The following TCF7L1 variants were observed in gnomAD, a reference collection of about 807,000 sequenced individuals.
TCF7L1 encodes the protein transcription factor 7-like 1.
In TCF7L1, 18 loss-of-function variants were observed where a neutral mutation model predicts 63.7. The ratio of observed to expected loss-of-function variants is 0.28; its 90% CI spans 0.20 to 0.42. The LOEUF is 0.42. TCF7L1 is among the 10% of genes least tolerant of loss of function. The pLI, the probability that TCF7L1 is intolerant of heterozygous loss-of-function variation, is 1.00. For missense variants in TCF7L1, 654 were observed against 779.3 expected (o/e 0.84, Z 1.91); for synonymous variants, 355 against 340.9 (o/e 1.04, Z -0.46).
At chr2:85,259,806 G>C (rs1680815193) in intron 3 of TCF7L1, among the ~76,000 whole-genome samples, 1 of 152,150 alleles carries the variant, frequency 6.6e-6, no homozygotes, top group South Asian at 2.1e-4. Flanking sequence ...CTGGTAGAGA[G>C]CCTTGAAATG....
At chr2:85,193,400 T>C (rs1350647100) in intron 3 of TCF7L1, among the ~76,000 whole-genome samples, 1 of 152,182 alleles carries the variant, frequency 6.6e-6, no homozygotes, top group Non-Finnish European at 1.5e-5. Flanking sequence ...AGGGCATTAT[T>C]AGGGCCGGGT....
At chr2:85,242,250 A>G (rs1189479213) in intron 3 of TCF7L1, among the ~76,000 whole-genome samples, 1 of 152,012 alleles carries the variant, frequency 6.6e-6, no homozygotes, top group African/African-American at 2.4e-5. Context: ...TCCCTGGGTC[A>G]CTTGGCTGCC....
In TCF7L1 at chr2:85,134,586, C is replaced by T. The variant is rs1437623402; in HGVS notation, c.441+136C>T. 4 of 1,286,840 alleles carry T rather than the reference C, an allele frequency of 3.1e-6. No homozygotes were observed. The highest frequency in any genetic ancestry group is 5.7e-5 in the Admixed American group (2 of 35,374). The allele number at this position is 1,286,840 out of a possible 1,614,324, so 79.7% of individuals were successfully genotyped here. A position where few individuals can be genotyped will look rare whatever the true frequency, so the allele number is the denominator to read the frequency against. On this transcript the variant is annotated intron_variant, in intron 3 of 11. Coordinates refer to ENST00000282111, the MANE Select transcript of TCF7L1 (RefSeq NM_031283.3). The surrounding 1 kb of genome is among the most constrained non-coding windows in gnomAD (Gnocchi z 5.0). ...AGAACTTGTTTGCGGAGTTGAACTA[C>T]TCTCTGGCGGCCGAGCGCGAGGCTG...
chr2:85,239,985 G>A (rs1680287013), intron 3 of TCF7L1, among the ~76,000 whole-genome samples: 1 of 149,888 alleles, frequency 6.7e-6, no homozygotes, highest in African/African-American at 2.5e-5. Context: ...AGAATGAAAA[G>A]GAAGCAAGTA....
At chr2:85,295,491 G>A (rs372750041) in intron 4 of TCF7L1, among the ~76,000 whole-genome samples, 19 of 152,128 alleles carry the variant, frequency 1.2e-4, no homozygotes, top group East Asian at 7.8e-4. Context: ...ATGAGCCACC[G>A]TGCCTGGCCA....
At chr2:85,230,226 C>G (rs1419985168) in intron 3 of TCF7L1, among the ~76,000 whole-genome samples, 1 of 152,208 alleles carries the variant, frequency 6.6e-6, no homozygotes, top group Non-Finnish European at 1.5e-5. Context: ...GTGCTTTACT[C>G]TCATAAACAA....
In TCF7L1 at chr2:85,165,661, C is replaced by G. The variant is rs144585892; in HGVS notation, c.441+31211C>G. Among the ~76,000 whole-genome samples, 15 of 152,212 alleles carry G rather than the reference C, an allele frequency of 9.9e-5. No individual in the cohort carries two copies. The East Asian group carries it at 2.7e-3, about 27-fold the overall frequency. On this transcript the variant is annotated intron_variant, in intron 3 of 11. Transcript: ENST00000282111. ...GCGGCCTGGAAAAACATGTATGGTG[C>G]CAGATCATGGGCCCTGGTTGATGTG...
At chr2:85,200,861 C>T (rs1314281942) in intron 3 of TCF7L1, among the ~76,000 whole-genome samples, 1 of 152,024 alleles carries the variant, frequency 6.6e-6, no homozygotes, top group Non-Finnish European at 1.5e-5. Flanking sequence ...GAGTTACCTG[C>T]GACACTTGAG....
At chr2:85,228,230 G>A (rs1210035032) in intron 3 of TCF7L1, among the ~76,000 whole-genome samples, 1 of 151,912 alleles carries the variant, frequency 6.6e-6, no homozygotes, top group Non-Finnish European at 1.5e-5. Context: ...GATCATCTTG[G>A]GCAACATAGC....
At chr2:85,141,140 T>A (rs924640936) in intron 3 of TCF7L1, among the ~76,000 whole-genome samples, 17 of 152,236 alleles carry the variant, frequency 1.1e-4, no homozygotes, top group African/African-American at 4.1e-4. Flanking sequence ...TTAAAACTTG[T>A]CCGGGCATGG....
chr2:85,282,458 C>G (rs1160120960), intron 3 of TCF7L1, among the ~76,000 whole-genome samples: 1 of 152,194 alleles, frequency 6.6e-6, no homozygotes, highest in Non-Finnish European at 1.5e-5. Context: ...CTGGCAAAGA[C>G]TAATGGTTTG....
intron 3 of TCF7L1, among the ~76,000 whole-genome samples, chr2:85,226,170 C>T (rs558709576): frequency 2.0e-5 from 3 of 152,272 alleles, no homozygotes; most frequent in Non-Finnish European, 2.9e-5. Context: ...CTGCTGGATT[C>T]GGTTTGCTAG....
At chr2:85,148,097 T>C (rs769683311) in intron 3 of TCF7L1, among the ~76,000 whole-genome samples, 1 of 152,158 alleles carries the variant, frequency 6.6e-6, no homozygotes, top group Non-Finnish European at 1.5e-5. Flanking sequence ...TAAGCTTTTT[T>C]TGTTATAAAA....
rs750002994 is a variant in TCF7L1, at chr2:85,153,340, A to ATGTTTTTTTTTTTTTTTT, written c.441+18891_441+18892insGTTTTTTTTTTTTTTTTT. Reference sequence around the variant, plus strand: ...TTCATGATCTTGCTAGCCTTTATAAATTTTTTTTTTTTTTTTTTTGAGATG... The same window carrying ATGTTTTTTTTTTTTTTTT: ...TTCATGATCTTGCTAGCCTTTATAAATGTTTTTTTTTTTTTTTTTTTTTTTTTTTTTTTTTTTGAGATG... On this transcript the variant is annotated intron_variant, in intron 3 of 11. Coordinates refer to ENST00000282111, the MANE Select transcript of TCF7L1 (RefSeq NM_031283.3). Among the ~76,000 whole-genome samples the ATGTTTTTTTTTTTTTTTT allele has an allele frequency of 2.7e-4, 28 of 102,270 alleles. 1 individual carries two copies. The East Asian group carries it at 2.8e-3, about 10-fold the overall frequency. 67.1% of individuals were successfully genotyped at this position (102,270 alleles called of 152,430 possible).
chr2:85,279,558 A>G (rs1365896365), intron 3 of TCF7L1, among the ~76,000 whole-genome samples: 8 of 152,168 alleles, frequency 5.3e-5, no homozygotes, highest in Admixed American at 3.9e-4. Flanking sequence ...TGCTGCCCCA[A>G]TTCACGGTTC....
intron 8 of TCF7L1, among the ~76,000 whole-genome samples, chr2:85,305,712 C>G (rs1682090398): frequency 6.6e-6 from 1 of 152,176 alleles, no homozygotes; most frequent in Admixed American, 6.5e-5. Flanking sequence ...AAAGGTGAGG[C>G]CCAGAAAGGA....
chr2:85,192,654 A>G (rs1679060085), intron 3 of TCF7L1, among the ~76,000 whole-genome samples: 2 of 148,892 alleles, frequency 1.3e-5, no homozygotes, highest in South Asian at 4.3e-4. Context: ...GAGTGCTGGG[A>G]TTACACGTGT....
intron 3 of TCF7L1, among the ~76,000 whole-genome samples, chr2:85,180,871 C>A (rs371991700): frequency 2.6e-5 from 4 of 152,314 alleles, no homozygotes; most frequent in African/African-American, 9.6e-5. Context: ...TCACAGCCAG[C>A]AAATAGCAAG....
At chr2:85,260,481 G>GA (rs1306949210) in intron 3 of TCF7L1, among the ~76,000 whole-genome samples, 39 of 149,270 alleles carry the variant, frequency 2.6e-4, no homozygotes, top group African/African-American at 8.9e-4. Context: ...TACAATACAG[G>GA]AAAAAAAAAA....
Sources: allele counts gnomAD v4.1 joint callset (sites outside exome capture counted in the v4.1 genomes callset), GRCh38; gene constraint gnomAD v4.1.1; non-coding constraint Gnocchi (gnomAD v3.1); transcripts MANE v1.5; gene names NCBI Gene and HGNC (gene_info 2026-07-23, HGNC 2026-07-21).